The following RAB30 variants were observed in gnomAD, a reference collection of about 807,000 sequenced individuals.
RAB30 encodes the protein ras-related protein Rab-30.
In RAB30, 9 loss-of-function variants were observed where a neutral mutation model predicts 25.1. The ratio of observed to expected loss-of-function variants is 0.36; its 90% CI spans 0.22 to 0.63. The LOEUF is 0.63. RAB30 is among the 20% of genes least tolerant of loss of function. The probability of loss-of-function intolerance (pLI) is 0.69; values close to 1 mark genes in which losing one functional copy is unlikely to be tolerated. For synonymous variants in RAB30, 77 were observed against 86.4 expected, an observed-to-expected ratio of 0.89 and a Z score of 0.60; for missense variants, 140 against 243.5, an observed-to-expected ratio of 0.58 and a Z score of 2.83.
chr11:83,030,986 G>A (rs960951684), intron 1 of RAB30, among the ~76,000 whole-genome samples: 12 of 152,196 alleles, frequency 7.9e-5, no homozygotes, highest in Non-Finnish European at 1.8e-4. Context: ...TCTAACTGGT[G>A]TCCTTATAGA....
intron 4 of RAB30, among the ~76,000 whole-genome samples, chr11:82,982,722 T>C (rs1195610912): frequency 1.3e-5 from 2 of 151,918 alleles, no homozygotes; most frequent in Non-Finnish European, 2.9e-5. Flanking sequence ...ATTAGCCAGG[T>C]GTGGTGGCAC....
intron 1 of RAB30, among the ~76,000 whole-genome samples, chr11:83,061,673 T>A: frequency 6.6e-6 from 1 of 151,686 alleles, no homozygotes; most frequent in Non-Finnish European, 1.5e-5. Flanking sequence ...TTTCGTTTGT[T>A]TTTTGTTTTT....
chr11:83,018,297 CAAAAAAAAAAA>C (rs904843218), intron 1 of RAB30, among the ~76,000 whole-genome samples: 1 of 68,562 alleles, frequency 1.5e-5, no homozygotes, highest in Non-Finnish European at 3.3e-5. Context: ...GACTCCATCT[CAAAAAAAAAAA>C]AAAAAAAAAA....
chr11:83,032,608 A>T (rs1197364063), intron 1 of RAB30, among the ~76,000 whole-genome samples: 1 of 152,172 alleles, frequency 6.6e-6, no homozygotes, highest in South Asian at 2.1e-4. Flanking sequence ...GGAATTGCAA[A>T]CATGTGCTAC....
intron 1 of RAB30, chr11:83,060,162 A>C (rs1257764004): frequency 6.6e-6 from 1 of 151,918 alleles, no homozygotes; most frequent in Non-Finnish European, 1.5e-5. Flanking sequence ...AGATTGCGCC[A>C]CTGCACTCCA....
intron 3 of RAB30, among the ~76,000 whole-genome samples, chr11:82,990,064 G>A (rs988574757): frequency 8.5e-5 from 13 of 152,190 alleles, no homozygotes; most frequent in East Asian, 3.8e-4. Context: ...GGAAGAGAGC[G>A]TCTCCTGCTG....
At chr11:83,025,325 GACTGAGTCCATTCA>G (rs1336042150) in intron 1 of RAB30, among the ~76,000 whole-genome samples, 1 of 152,188 alleles carries the variant, frequency 6.6e-6, no homozygotes, top group Admixed American at 6.5e-5. Flanking sequence ...ACACATCTCT[GACTGAGTCCATTCA>G]TTCTTTGTTA....
chr11:83,043,894 T>C (rs1858182702), intron 1 of RAB30, among the ~76,000 whole-genome samples: 2 of 152,194 alleles, frequency 1.3e-5, no homozygotes, highest in Admixed American at 6.5e-5. Flanking sequence ...GAAACACTAC[T>C]ACTGCTGAGT....
At chr11:83,069,194 G>C (rs75394642) in intron 1 of RAB30, among the ~76,000 whole-genome samples, 4,181 of 152,230 alleles carry the variant, frequency 0.027, 99 homozygotes, top group East Asian at 0.077. Context: ...ACTACATTCA[G>C]CCCATTTCTC....
chr11:82,986,725 G>A (rs558808461), intron 4 of RAB30, among the ~76,000 whole-genome samples: 4 of 152,316 alleles, frequency 2.6e-5, no homozygotes, highest in African/African-American at 9.6e-5. Flanking sequence ...TCTTTGAGCC[G>A]TGGTTTCCTG....
rs1260398054 is a variant in RAB30 at position 83,010,548 on chromosome 11, TTA to T, written c.-8-13226_-8-13225del. Among the ~76,000 whole-genome samples, 7 of 152,338 alleles carry T rather than the reference TTA, an allele frequency of 4.6e-5. No individual in the cohort carries two copies. The East Asian group carries it at 1.3e-3, about 29-fold the overall frequency. On this transcript the variant is annotated intron_variant, in intron 1 of 4. Transcript: ENST00000527633. ...ATAGCTTATTTCCTTTTTTTCATAT[TTA>T]TATCTTTTCCAATGCACATTATTAA...
At chr11:83,062,216 G>C (rs1345358349) in intron 1 of RAB30, among the ~76,000 whole-genome samples, 1 of 152,082 alleles carries the variant, frequency 6.6e-6, no homozygotes, top group Non-Finnish European at 1.5e-5. Context: ...AACAAAACAA[G>C]TTTACTTAAC....
intron 1 of RAB30, among the ~76,000 whole-genome samples, chr11:83,036,705 G>C (rs1857995426): frequency 6.6e-6 from 1 of 152,162 alleles, no homozygotes. Flanking sequence ...AGGACTGATG[G>C]GATCAGGCCT....
At chr11:82,996,969 T>C (rs1856972170) in intron 2 of RAB30, among the ~76,000 whole-genome samples, 1 of 152,194 alleles carries the variant, frequency 6.6e-6, no homozygotes, top group Non-Finnish European at 1.5e-5. Flanking sequence ...ACCACTTGCC[T>C]TTGTCATTAA....
At chr11:83,013,480 G>A (rs978896309) in intron 1 of RAB30, among the ~76,000 whole-genome samples, 7 of 152,068 alleles carry the variant, frequency 4.6e-5, no homozygotes, top group African/African-American at 9.7e-5. Context: ...TATTCTCATC[G>A]CCTGACATTT....
chr11:83,020,996 C>A (rs1179865173), intron 1 of RAB30, among the ~76,000 whole-genome samples: 2 of 152,110 alleles, frequency 1.3e-5, no homozygotes, highest in African/African-American at 4.8e-5. Context: ...AGGAGCTACC[C>A]TCTCTGCTGA....
intron 1 of RAB30, among the ~76,000 whole-genome samples, chr11:83,066,198 C>A (rs148216398): frequency 6.6e-6 from 1 of 152,186 alleles, no homozygotes; most frequent in Non-Finnish European, 1.5e-5. Context: ...TAAATTATTA[C>A]ACTATTCTGA....
At chr11:83,017,689 T>G (rs1857468999) in intron 1 of RAB30, among the ~76,000 whole-genome samples, 1 of 152,254 alleles carries the variant, frequency 6.6e-6, no homozygotes, top group Non-Finnish European at 1.5e-5. Flanking sequence ...TCCATCCAGC[T>G]TGCTGCAAAT....
intron 1 of RAB30, among the ~76,000 whole-genome samples, chr11:83,063,432 C>T (rs2121521321): frequency 6.6e-6 from 1 of 152,320 alleles, no homozygotes; most frequent in East Asian, 1.9e-4. Context: ...TAAAATTTTT[C>T]TGCAGAATTC....
Sources: allele counts gnomAD v4.1 joint callset (sites outside exome capture counted in the v4.1 genomes callset), GRCh38; gene constraint gnomAD v4.1.1; transcripts MANE v1.5; gene names NCBI Gene and HGNC (gene_info 2026-07-23, HGNC 2026-07-21).